Variants in GRAMD4 observed in about 807,000 individuals in gnomAD.
The protein encoded by GRAMD4 is GRAM domain-containing protein 4.
A neutral mutation model predicts 83.9 loss-of-function variants in GRAMD4; 25 were observed. The observed-to-expected ratio is 0.30, with a 90% CI of 0.22 to 0.42. GRAMD4 has a LOEUF of 0.42. Ranked by LOEUF, GRAMD4 falls within the 10% of genes least tolerant of loss-of-function variation. GRAMD4 has a pLI of 1.00. For missense variants in GRAMD4, 593 were observed against 788.7 expected (o/e 0.75, Z 2.97); for synonymous variants, 336 against 320.9 (o/e 1.05, Z -0.50).
chr22:46,604,202 C>G (rs1029482575), intron 1 of GRAMD4, among the ~76,000 whole-genome samples: 2 of 152,142 alleles, frequency 1.3e-5, no homozygotes, highest in African/African-American at 2.4e-5. Flanking sequence ...CTGGCCTCCC[C>G]CCGTCAGTCC....
At position 46,668,180 on chromosome 22, in the gene GRAMD4, G is replaced by T; in HGVS notation, c.930+13G>T. ...CCAGAAAGCCCAGGTACTGCCACGG[G>T]CGCCGGCCAGGGGTGTGTCTGCGCC... On this transcript the variant is annotated intron_variant, in intron 11 of 18. Coordinates refer to ENST00000406902, the MANE Select transcript of GRAMD4 (RefSeq NM_015124.5). 1 of 1,599,798 alleles carries T rather than the reference G, an allele frequency of 6.3e-7. No homozygotes were observed. The highest frequency in any genetic ancestry group is 8.6e-7 in the Non-Finnish European group (1 of 1,169,108).
upstream of GRAMD4, chr22:46,620,373 G>T (rs969612499): frequency 1.0e-6 from 1 of 985,304 alleles, no homozygotes; most frequent in Non-Finnish European, 1.2e-6. This position sits in a 1 kb window ranked among gnomAD's most constrained non-coding sequence, Gnocchi z 4.7. Flanking sequence ...GAGCCCTGCT[G>T]CCCTGCTCTG....
chr22:46,594,585 T>TGG (rs11455830), intron 1 of GRAMD4, among the ~76,000 whole-genome samples: 130 of 135,890 alleles, frequency 9.6e-4, no homozygotes, highest in South Asian at 3.9e-3. Flanking sequence ...TCTGGTTGGG[T>TGG]GGGGGGGGTT....
In GRAMD4 at chr22:46,666,861, G is replaced by A. The variant is rs763063495; in HGVS notation, c.846G>A (p.Val282=). Residue 282 remains valine, a synonymous_variant, in exon 10 of 19, where the codon GTG becomes GTA. Coordinates refer to ENST00000406902, the MANE Select transcript of GRAMD4 (RefSeq NM_015124.5). ...TACAGTGGAGCATCGTGCCCGAAGT[G>A]TCTGAGCCCGTGGTAAGTCCCTGGA... ...WRIQWSIVPE[V]SEPVEPPKED... is the part of the protein sequence containing the mutation. 15 of 1,599,730 alleles carry A rather than the reference G, an allele frequency of 9.4e-6. No individual in the cohort carries two copies. The South Asian group carries it at 1.5e-4, about 16-fold the overall frequency.
rs1447683293 is a variant in GRAMD4, at chr22:46,678,111, A to G, written c.*860A>G. On this transcript the variant is annotated 3_prime_UTR_variant, in exon 19 of 19. Transcript: ENST00000406902. ...TGGAAGGCCCAGGAGAACATCCGCG[A>G]AGGCTGTTGGAGGTGCTCCGAGCAC... 5 of 985,468 alleles carry G rather than the reference A, an allele frequency of 5.1e-6. No homozygotes were observed. The highest frequency in any genetic ancestry group is 3.6e-6 in the Non-Finnish European group (3 of 830,038). The allele number at this position is 985,468 out of a possible 1,614,324, so 61.0% of individuals were successfully genotyped here.
At chr22:46,616,134 C>CTG (rs1491428072), upstream of GRAMD4, among the ~76,000 whole-genome samples, 1 of 141,302 alleles carries the variant, frequency 7.1e-6, no homozygotes. Context: ...GCAGGTTCCC[C>CTG]TGTGTGTAGG....
intron 1 of GRAMD4, among the ~76,000 whole-genome samples, chr22:46,608,269 A>G (rs1030011396): frequency 6.6e-6 from 1 of 152,186 alleles, no homozygotes; most frequent in South Asian, 2.1e-4. Flanking sequence ...CCGTGCTCTC[A>G]GGCCTGTCAG....
At position 46,622,335 on chromosome 22, in the gene GRAMD4, G is replaced by T. The variant is rs62233590; in HGVS notation, c.-50+1770G>T. Among the ~76,000 whole-genome samples, 1 of 152,186 alleles carries T rather than the reference G, an allele frequency of 6.6e-6. No homozygotes were observed. Among genetic ancestry groups the T allele is most frequent in the Non-Finnish European group, 1.5e-5 (1 of 68,032 alleles). On this transcript the variant is annotated intron_variant, in intron 1 of 18. Transcript: ENST00000406902. The surrounding 1 kb of genome is among the most constrained non-coding windows in gnomAD (Gnocchi z 4.0). The stretch of plus-strand genomic sequence containing the variant: ...CTACACAGGGCCTGCAGGCCCCAGC[G>T]CCCGGGTCATCCCCTCCGCTTCCCT...
rs1360304484 is a variant in GRAMD4 at position 46,677,817 on chromosome 22, T to C, written c.*566T>C. 5.1e-6 allele frequency: 5 copies of C among 985,200 alleles called. No homozygotes were observed. Among genetic ancestry groups the C allele is most frequent in the Non-Finnish European group, 6.0e-6 (5 of 830,086 alleles). 61.0% of individuals were successfully genotyped at this position (985,200 alleles called of 1,614,324 possible). ...ACCCTCCTGTGGCATTTGCCCTTGG[T>C]GCCGGGCTGGGGCCGGGCGCAGTGA... On this transcript the variant is annotated 3_prime_UTR_variant, in exon 19 of 19. Coordinates refer to ENST00000406902, the MANE Select transcript of GRAMD4 (RefSeq NM_015124.5).
chr22:46,582,425 C>A (rs1035064581), intron 1 of GRAMD4, among the ~76,000 whole-genome samples: 2 of 152,162 alleles, frequency 1.3e-5, no homozygotes, highest in African/African-American at 4.8e-5. Flanking sequence ...CACGTCCCCC[C>A]TCCAGGGAGG....
chr22:46,591,011 G>A (rs571515651), intron 1 of GRAMD4, among the ~76,000 whole-genome samples: 3 of 152,014 alleles, frequency 2.0e-5, no homozygotes, highest in South Asian at 2.1e-4. Flanking sequence ...AGTAAGCCAA[G>A]ATCGTGCCAC....
intron 1 of GRAMD4, among the ~76,000 whole-genome samples, chr22:46,591,556 C>T (rs908701397): frequency 2.0e-5 from 3 of 151,312 alleles, no homozygotes; most frequent in South Asian, 2.1e-4. Context: ...ACCCCCGGGC[C>T]GTGCACGGTG....
chr22:46,614,263 G>T (rs1182966146), intron 1 of GRAMD4, among the ~76,000 whole-genome samples: 1 of 152,196 alleles, frequency 6.6e-6, no homozygotes, highest in East Asian at 1.9e-4. Flanking sequence ...GCGGGAGTGT[G>T]TGCACCAAGG....
chr22:46,652,746 G>A (rs1271212752), intron 3 of GRAMD4, among the ~76,000 whole-genome samples: 2 of 152,232 alleles, frequency 1.3e-5, no homozygotes, highest in Non-Finnish European at 2.9e-5. Context: ...CAGGGGCCGG[G>A]GCTGGACGAG....
At position 46,621,012 on chromosome 22, in the gene GRAMD4, G is replaced by C. The variant is rs1368177388; in HGVS notation, c.-50+447G>C. Among the ~76,000 whole-genome samples the C allele has an allele frequency of 2.6e-5, 4 of 152,212 alleles. No homozygotes were observed. Among genetic ancestry groups the C allele is most frequent in the African/African-American group, 9.6e-5 (4 of 41,544 alleles). The stretch of plus-strand genomic sequence containing the variant: ...GGGTGGGCCTGTAGGTGCAGGTGGA[G>C]GGGCTGGTCCTGGGGAGAGCGGCTG... On this transcript the variant is annotated intron_variant, in intron 1 of 18. Transcript: ENST00000406902. This position sits in a 1 kb window ranked among gnomAD's most constrained non-coding sequence, Gnocchi z 5.8.
chr22:46,677,372 T>C lies in GRAMD4; in HGVS notation c.*121T>C. On this transcript the variant is annotated 3_prime_UTR_variant, in exon 19 of 19. Transcript: ENST00000406902. ...TCATGAGCTTTTGCAATAATTCTCC[T>C]GGACCTGTGGTTCTATTGTGTTGAC... 6.9e-7 allele frequency: 1 copy of C among 1,443,520 alleles called. No individual in the cohort carries two copies. Among genetic ancestry groups the C allele is most frequent in the South Asian group, 1.5e-5 (1 of 66,134 alleles). 89.4% of individuals were successfully genotyped at this position (1,443,520 alleles called of 1,614,324 possible).
chr22:46,630,128 G>T (rs549985786), intron 2 of GRAMD4, among the ~76,000 whole-genome samples: 2 of 151,714 alleles, frequency 1.3e-5, no homozygotes, highest in Non-Finnish European at 2.9e-5. Context: ...AGGTTCAAGC[G>T]ATTCTCGTGC....
chr22:46,612,445 G>A (rs1451316063), intron 1 of GRAMD4, among the ~76,000 whole-genome samples: 1 of 152,202 alleles, frequency 6.6e-6, no homozygotes, highest in Admixed American at 6.5e-5. Context: ...GTGGTGTTGA[G>A]CAGGCTCAGG....
rs562388476 is a variant in GRAMD4, at chr22:46,666,089, G to T, written c.809+383G>T. The stretch of plus-strand genomic sequence containing the variant: ...TTGGAGATGAGCCTGCTGGGGAGGA[G>T]CTGGACCGGGAATGAGTACCAGTCG... On this transcript the variant is annotated intron_variant, in intron 9 of 18. Coordinates refer to ENST00000406902, the MANE Select transcript of GRAMD4 (RefSeq NM_015124.5). Among the ~76,000 whole-genome samples, 131 of 152,350 alleles carry T rather than the reference G, an allele frequency of 8.6e-4. 2 individuals are homozygous for T. In the South Asian group the frequency reaches 9.1e-3, roughly 11 times the overall value.
Sources: allele counts gnomAD v4.1 joint callset (sites outside exome capture counted in the v4.1 genomes callset), GRCh38; gene constraint gnomAD v4.1.1; non-coding constraint Gnocchi (gnomAD v3.1); transcripts MANE v1.5; gene names NCBI Gene and HGNC (gene_info 2026-07-23, HGNC 2026-07-21).